The following CHAF1B variants were observed in gnomAD, a reference collection of about 807,000 sequenced individuals.
CHAF1B encodes the protein CAF-1 subunit B.
In CHAF1B, 10 loss-of-function variants were observed where a neutral mutation model predicts 60.7. The observed-to-expected ratio is 0.16, with a 90% CI of 0.10 to 0.28. The LOEUF is 0.28. Ranked by LOEUF, CHAF1B falls within the 10% of genes least tolerant of loss-of-function variation. The pLI, the probability that CHAF1B is intolerant of heterozygous loss-of-function variation, is 1.00. For missense variants in CHAF1B, 558 were observed against 708.4 expected (o/e 0.79, Z 2.41); for synonymous variants, 261 against 266.1 (o/e 0.98, Z 0.19).
chr21:36,415,740 A>C, intron 13 of CHAF1B: 1 of 435,758 alleles, frequency 2.3e-6, no homozygotes. Flanking sequence ...CTTCTTGCCC[A>C]TGACATTCTT....
chr21:36,388,715 C>A (rs1051998766), intron 3 of CHAF1B, among the ~76,000 whole-genome samples: 7 of 152,122 alleles, frequency 4.6e-5, no homozygotes, highest in Non-Finnish European at 7.4e-5. Context: ...AATCTGCCTG[C>A]CTCGGCCTCC....
chr21:36,390,933 G>T (rs2086081883), intron 3 of CHAF1B, among the ~76,000 whole-genome samples: 1 of 152,248 alleles, frequency 6.6e-6, no homozygotes. Flanking sequence ...TGGCATTACA[G>T]GCGTGAGCCA....
chr21:36,390,377 C>T (rs539128820), intron 3 of CHAF1B, among the ~76,000 whole-genome samples: 8 of 151,024 alleles, frequency 5.3e-5, no homozygotes, highest in African/African-American at 1.7e-4. Context: ...AATGGGAATG[C>T]GTATGTCCTC....
intron 8 of CHAF1B, among the ~76,000 whole-genome samples, chr21:36,404,659 C>G (rs2086221708): frequency 6.6e-6 from 1 of 150,926 alleles, no homozygotes; most frequent in South Asian, 2.1e-4. Context: ...GTCTCGAACT[C>G]CGGACCTCAG....
chr21:36,389,800 T>TGTGTGTGTGCGCGCGCGCGCGCGCGCGC, intron 3 of CHAF1B, among the ~76,000 whole-genome samples: 35 of 124,792 alleles, frequency 2.8e-4, no homozygotes, highest in African/African-American at 1.2e-3. Flanking sequence ...TGTGTGTGTG[T>TGTGTGTGTGCGCGCGCGCGCGCGCGCGC]GCGCGCGCAC....
At position 36,414,698 on chromosome 21, in the gene CHAF1B, GC is replaced by G. The variant is rs1341061139; in HGVS notation, c.1494-595del. 2.0e-5 allele frequency among the ~76,000 whole-genome samples: 3 copies of G among 152,138 alleles called. No homozygotes were observed. The East Asian group carries it at 5.8e-4, about 29-fold the overall frequency. ...ATGCTCTCTGCTCACTGCAACCTCC[GC>G]CTTCTGGGTTCAAGTGATTCTCCTA... On this transcript the variant is annotated intron_variant, in intron 12 of 13. Transcript: ENST00000314103.
At chr21:36,413,932 G>T (rs1274911269) in intron 12 of CHAF1B, among the ~76,000 whole-genome samples, 2 of 152,184 alleles carry the variant, frequency 1.3e-5, no homozygotes, top group Non-Finnish European at 2.9e-5. Context: ...GGCAATTCCA[G>T]GAGTGTCTTC....
chr21:36,391,737 G>A, intron 4 of CHAF1B, 69 bp downstream of exon 4: 1 of 1,048,066 alleles, frequency 9.5e-7, no homozygotes, highest in Non-Finnish European at 1.5e-6. Context: ...TATACCTTTT[G>A]ACTTTTTTTT....
intron 7 of CHAF1B, 111 bp downstream of exon 7, chr21:36,399,716 C>A (rs1438980023): frequency 2.4e-6 from 2 of 825,224 alleles, no homozygotes; most frequent in African/African-American, 3.4e-5. Flanking sequence ...AGAGCCGATT[C>A]CAGAACTACA....
chr21:36,401,428 T>C (rs1363384334), intron 7 of CHAF1B, among the ~76,000 whole-genome samples: 2 of 97,450 alleles, frequency 2.1e-5, no homozygotes, highest in African/African-American at 8.6e-5. Flanking sequence ...ACATAATATA[T>C]ATTTTTATAT....
chr21:36,389,758 GATGT>G (rs1157981616), intron 3 of CHAF1B, among the ~76,000 whole-genome samples: 1 of 118,628 alleles, frequency 8.4e-6, no homozygotes, highest in Non-Finnish European at 1.8e-5. Flanking sequence ...TGCATGAAGG[GATGT>G]GTGTGTGTGT....
At chr21:36,395,937 C>T (rs930378372) in intron 5 of CHAF1B, among the ~76,000 whole-genome samples, 1 of 152,034 alleles carries the variant, frequency 6.6e-6, no homozygotes, top group Non-Finnish European at 1.5e-5. Context: ...AAAATTTTTG[C>T]TCTTTTTAGT....
chr21:36,400,715 T>C (rs564390099), intron 7 of CHAF1B, among the ~76,000 whole-genome samples: 16 of 152,276 alleles, frequency 1.1e-4, no homozygotes, highest in Admixed American at 8.5e-4. Flanking sequence ...TAGAGAGTTT[T>C]GCTAGCAGAC....
chr21:36,414,673 A>G (rs2086303633), intron 12 of CHAF1B, among the ~76,000 whole-genome samples: 1 of 152,060 alleles, frequency 6.6e-6, no homozygotes, highest in African/African-American at 2.4e-5. Flanking sequence ...GTGCGATGGC[A>G]TGCTCTCTGC....
At chr21:36,403,623 C>T (rs992075385) in intron 8 of CHAF1B, among the ~76,000 whole-genome samples, 4 of 152,076 alleles carry the variant, frequency 2.6e-5, no homozygotes, top group Non-Finnish European at 5.9e-5. Flanking sequence ...CAGGATTAGA[C>T]TCATGGACAA....
intron 3 of CHAF1B, 43 bp downstream of exon 3, chr21:36,387,773 G>C: frequency 6.3e-7 from 1 of 1,589,602 alleles, no homozygotes; most frequent in East Asian, 2.3e-5. Context: ...GAACCAGATA[G>C]ATACCTGTGT....
chr21:36,397,443 T>C lies in CHAF1B; in HGVS notation c.510T>C (p.His170=), dbSNP rs2086150683. 10 of 1,563,210 alleles carry C rather than the reference T, an allele frequency of 6.4e-6. No individual in the cohort carries two copies. Among genetic ancestry groups the C allele is most frequent in the Non-Finnish European group, 7.9e-6 (9 of 1,145,086 alleles). ...KGQKISIFNE[H]KSYVQGVTWD... is the part of the protein sequence containing the mutation. The stretch of plus-strand genomic sequence containing the variant: ...AAAAGATATCAATTTTTAATGAACA[T>C]AAAAGTTATGTCCAAGGAGTAACCT... Residue 170 remains histidine, a synonymous_variant, in exon 6 of 14, where the codon CAT becomes CAC. Coordinates refer to ENST00000314103, the MANE Select transcript of CHAF1B (RefSeq NM_005441.3).
chr21:36,417,877 G>T lies in CHAF1B; in HGVS notation c.*1511G>T, dbSNP rs770461221. The T allele has an allele frequency of 3.3e-5, 5 of 152,098 alleles. No individual in the cohort carries two copies. Among genetic ancestry groups the T allele is most frequent in the Non-Finnish European group, 4.4e-5 (3 of 68,018 alleles). 9.4% of individuals were successfully genotyped at this position (152,098 alleles called of 1,614,324 possible). On this transcript the variant is annotated 3_prime_UTR_variant, in exon 14 of 14. Coordinates refer to ENST00000314103, the MANE Select transcript of CHAF1B (RefSeq NM_005441.3). ...CCGCTTCGGAGGATTTGGCCTAATC[G>T]GTCTGGGGTATGTTCTGAATATTAG...
intron 5 of CHAF1B, among the ~76,000 whole-genome samples, chr21:36,396,358 C>CAAAAAAAAAAAAAAAAA (rs777079304): frequency 1.9e-5 from 1 of 52,834 alleles, no homozygotes; most frequent in African/African-American, 6.9e-5. Flanking sequence ...CCAAAAACCT[C>CAAAAAAAAAAAAAAAAA]AAAAAAAAAA....
Sources: gnomAD v4.1 joint callset for allele counts (sites outside exome capture counted in the v4.1 genomes callset) on GRCh38, gnomAD v4.1.1 for gene constraint, MANE v1.5 for transcripts, NCBI Gene and HGNC (gene_info 2026-07-23, HGNC 2026-07-21) for gene names.